Variants in SKA3 observed in about 807,000 individuals in gnomAD.
SKA3 encodes spindle and kinetochore-associated protein 3.
SKA3 carries 39 observed loss-of-function variants against 44.2 expected under a neutral mutation model. That is an observed-to-expected ratio of 0.88 (90% CI 0.68 to 1.15). The LOEUF (loss-of-function observed/expected upper bound fraction) is 1.15. Ranked by LOEUF, SKA3 falls within the 50% of genes most tolerant of loss-of-function variation. The pLI is 0.00. For missense variants in SKA3, 511 were observed against 485.8 expected, an observed-to-expected ratio of 1.05 and a Z score of -0.49; for synonymous variants, 192 against 172.0, an observed-to-expected ratio of 1.12 and a Z score of -0.91.
Position 21,154,826 on chromosome 13 carries a change from C to T in SKA3, c.*324G>A. ...GGGGCGGCCTCATCTGAGTAGCAAA[C>T]ACCTTTATATTTTTGAAATTACTTG... is the stretch of plus-strand genomic sequence containing the variant. On this transcript the variant is annotated 3_prime_UTR_variant, in exon 9 of 9. Coordinates refer to ENST00000314759, the MANE Select transcript of SKA3 (RefSeq NM_145061.6). 1 of 455,912 alleles carries T rather than the reference C, an allele frequency of 2.2e-6. No individual in the cohort carries two copies. The allele number at this position is 455,912 out of a possible 1,614,324, so 28.2% of individuals were successfully genotyped here.
At chr13:21,173,733 C>T (rs1871227830) in intron 1 of SKA3, among the ~76,000 whole-genome samples, 1 of 152,096 alleles carries the variant, frequency 6.6e-6, no homozygotes, top group African/African-American at 2.4e-5. Flanking sequence ...TGCGTGATAC[C>T]ATATTTATTT....
At chr13:21,167,199 T>G (rs1870758318) in intron 4 of SKA3, among the ~76,000 whole-genome samples, 1 of 152,222 alleles carries the variant, frequency 6.6e-6, no homozygotes. Context: ...TATTCTTTTC[T>G]TGTTCTAACA....
intron 4 of SKA3, among the ~76,000 whole-genome samples, chr13:21,166,552 G>A (rs971345238): frequency 1.3e-5 from 2 of 152,104 alleles, no homozygotes; most frequent in Non-Finnish European, 2.9e-5. Flanking sequence ...TGGCCACCAT[G>A]GTGAAACCCT....
At chr13:21,172,208 A>G in intron 3 of SKA3, 131 bp downstream of exon 3, 1 of 598,278 alleles carries the variant, frequency 1.7e-6, no homozygotes. Context: ...TTGACTAAAT[A>G]TTTATCAAAT....
At chr13:21,171,954 CAAG>C (rs1871079706) in intron 3 of SKA3, among the ~76,000 whole-genome samples, 1 of 152,122 alleles carries the variant, frequency 6.6e-6, no homozygotes, top group Non-Finnish European at 1.5e-5. Flanking sequence ...ACACTGTGAA[CAAG>C]AAAAATGAAA....
chr13:21,175,244 C>T (rs1226719125), intron 1 of SKA3, among the ~76,000 whole-genome samples: 1 of 151,410 alleles, frequency 6.6e-6, no homozygotes, highest in African/African-American at 2.4e-5. Context: ...TCCCAAAATG[C>T]TGGGATTACA....
intron 6 of SKA3, 34 bp from the exon 7 acceptor site, chr13:21,158,159 A>T: frequency 6.0e-6 from 6 of 1,004,338 alleles, no homozygotes; most frequent in Non-Finnish European, 8.3e-6. Flanking sequence ...AAATTATGGT[A>T]ATATAACATA....
chr13:21,175,273 C>A (rs896550035), intron 1 of SKA3, among the ~76,000 whole-genome samples: 1 of 148,400 alleles, frequency 6.7e-6, no homozygotes, highest in Non-Finnish European at 1.5e-5. Flanking sequence ...CCACCGTGCA[C>A]GGCCAAATCT....
Position 21,155,831 on chromosome 13 carries a change from T to A in SKA3, c.1120-20A>T. 1.1e-6 allele frequency: 1 copy of A among 891,346 alleles called. No homozygotes were observed. Among genetic ancestry groups the A allele is most frequent in the Non-Finnish European group, 1.6e-6 (1 of 625,436 alleles). The allele number at this position is 891,346 out of a possible 1,614,324, so 55.2% of individuals were successfully genotyped here. The stretch of plus-strand genomic sequence containing the variant: ...TAAAAGCTAAAAAAAAAAAAGGAAA[T>A]TCCTTTTTATCGAGCCATATGAATA... On this transcript the variant is annotated intron_variant, in intron 7 of 8. Coordinates refer to ENST00000314759, the MANE Select transcript of SKA3 (RefSeq NM_145061.6).
In SKA3 at chr13:21,176,022, ATATG is replaced by A. The variant is rs1472598208; in HGVS notation, c.103+349_103+352del. Among the ~76,000 whole-genome samples, 5 of 152,324 alleles carry A rather than the reference ATATG, an allele frequency of 3.3e-5. No individual in the cohort carries two copies. The East Asian group carries it at 9.6e-4, about 29-fold the overall frequency. Reference sequence around the variant, plus strand: ...GAAAGCATATCACGTATAAATTAGTATATGTATTATGAGCTCAATCTGTTAATTT... The same window carrying A: ...GAAAGCATATCACGTATAAATTAGTATATTATGAGCTCAATCTGTTAATTT... On this transcript the variant is annotated intron_variant, in intron 1 of 8. Coordinates refer to ENST00000314759, the MANE Select transcript of SKA3 (RefSeq NM_145061.6).
intron 7 of SKA3, among the ~76,000 whole-genome samples, chr13:21,156,096 A>C (rs1442133845): frequency 1.3e-5 from 2 of 151,710 alleles, no homozygotes; most frequent in African/African-American, 4.8e-5. Context: ...CTGAGGCCCA[A>C]GAATTACTTG....
chr13:21,172,623 T>TA lies in SKA3; in HGVS notation c.161dup (p.Asp56GlyfsTer2), dbSNP rs779685276. On this transcript the variant is annotated frameshift_variant, in exon 2 of 9. Coordinates refer to ENST00000314759, the MANE Select transcript of SKA3 (RefSeq NM_145061.6). LOFTEE classifies it high-confidence loss of function. ...ATCAATATTGTAGGAGTGATACCTT[T>TA]AGAGTCTGAACTTCTGAATGAAGGT... 2.5e-6 allele frequency: 4 copies of TA among 1,575,252 alleles called. No homozygotes were observed. Among genetic ancestry groups the TA allele is most frequent in the Non-Finnish European group, 3.4e-6 (4 of 1,159,522 alleles).
intron 7 of SKA3, among the ~76,000 whole-genome samples, chr13:21,157,210 G>A (rs1218385871): frequency 6.6e-6 from 1 of 152,198 alleles, no homozygotes; most frequent in Non-Finnish European, 1.5e-5. Flanking sequence ...TAGGCCAATG[G>A]TAACTGCTGT....
At chr13:21,165,163 C>T (rs1870639013) in intron 4 of SKA3, among the ~76,000 whole-genome samples, 2 of 151,498 alleles carry the variant, frequency 1.3e-5, no homozygotes, top group South Asian at 4.1e-4. Context: ...ACTGAATCAT[C>T]TTTACTTCAA....
In SKA3 at chr13:21,172,398, A is replaced by C; in HGVS notation, c.272T>G (p.Met91Arg). 1 of 1,588,734 alleles carries C rather than the reference A, an allele frequency of 6.3e-7. No individual in the cohort carries two copies. The highest frequency in any genetic ancestry group is 8.5e-7 in the Non-Finnish European group (1 of 1,171,898). ...CTTCTGGAAATACTCTCTTATTTTC[A>C]TAATATCCATTGAATTTTTTTCCAT... The part of the protein sequence containing the change: ...VLMEKNSMDI[M>R]KIREYFQKYG... Residue 91 changes from methionine to arginine, a missense_variant, in exon 3 of 9, where the codon ATG (methionine) becomes AGG (arginine). Physicochemically the swap from Met to Arg is moderately conservative, Grantham distance 91. Coordinates refer to ENST00000314759, the MANE Select transcript of SKA3 (RefSeq NM_145061.6).
rs556200276 is a variant in SKA3, at chr13:21,159,547, C to G, written c.915+355G>C. ...TCAAAACATGATAGTATATGTAACA[C>G]CTGATCTTATGGATATGCCTTGCTG... On this transcript the variant is annotated intron_variant, in intron 6 of 8. Coordinates refer to ENST00000314759, the MANE Select transcript of SKA3 (RefSeq NM_145061.6). Among the ~76,000 whole-genome samples, 190 of 152,122 alleles carry G rather than the reference C, an allele frequency of 1.2e-3. 8 individuals are homozygous for G. The South Asian group carries it at 0.037, about 30-fold the overall frequency.
At chr13:21,160,413 G>T (rs900385211) in intron 5 of SKA3, among the ~76,000 whole-genome samples, 8 of 147,094 alleles carry the variant, frequency 5.4e-5, no homozygotes, top group Admixed American at 5.4e-4. Context: ...TTAAAGATAA[G>T]AACAAGAGAG....
At chr13:21,166,254 C>T (rs1870708374) in intron 4 of SKA3, among the ~76,000 whole-genome samples, 2 of 151,822 alleles carry the variant, frequency 1.3e-5, no homozygotes, top group African/African-American at 4.8e-5. Flanking sequence ...TAATGTCAAG[C>T]GATCCACTGT....
intron 7 of SKA3, among the ~76,000 whole-genome samples, chr13:21,156,388 C>A (rs150208901): frequency 2.0e-5 from 3 of 151,768 alleles, no homozygotes; most frequent in Non-Finnish European, 2.9e-5. Context: ...AGATGTAAAA[C>A]GAATGCTCAA....
Sources: allele counts gnomAD v4.1 joint callset (sites outside exome capture counted in the v4.1 genomes callset), GRCh38; gene constraint gnomAD v4.1.1; transcripts MANE v1.5; gene names NCBI Gene and HGNC (gene_info 2026-07-23, HGNC 2026-07-21).